ZCCHC17: variants seen among roughly 807,000 people sequenced by gnomAD.
The protein encoded by ZCCHC17 is zinc finger CCHC domain-containing protein 17.
Under a neutral mutation model 30.6 loss-of-function variants are expected in ZCCHC17, and 18 were observed. The observed-to-expected ratio is 0.59, with a 90% CI of 0.41 to 0.87. The LOEUF (loss-of-function observed/expected upper bound fraction) is 0.87, where lower values mean the gene tolerates loss of function less well. Among genes scored for constraint, ZCCHC17 ranks in the 40% least tolerant of loss-of-function variants. The pLI, the probability that ZCCHC17 is intolerant of heterozygous loss-of-function variation, is 0.00. For missense variants in ZCCHC17, 263 were observed against 284.2 expected (o/e 0.93, Z 0.54); for synonymous variants, 88 against 92.4 (o/e 0.95, Z 0.27).
intron 2 of ZCCHC17, among the ~76,000 whole-genome samples, chr1:31,313,076 T>TC (rs1176997960): frequency 1.3e-5 from 2 of 148,882 alleles, no homozygotes; most frequent in Non-Finnish European, 3.0e-5. Context: ...CTCTTTTTTT[T>TC]TTTTTTTTTT....
At chr1:31,345,545 T>TATATATATATATATATA (rs1557452297) in intron 5 of ZCCHC17, among the ~76,000 whole-genome samples, 1 of 1,798 alleles carries the variant, frequency 5.6e-4, no homozygotes, top group East Asian at 0.019. Flanking sequence ...ATGACAGACA[T>TATATATATATATATATA]TTATATATAT....
At chr1:31,363,566 C>T (rs901219343) in intron 7 of ZCCHC17, among the ~76,000 whole-genome samples, 2 of 152,068 alleles carry the variant, frequency 1.3e-5, no homozygotes, top group African/African-American at 4.8e-5. Context: ...CCAAGGTGGG[C>T]AGATTGCTTG....
At position 31,364,426 on chromosome 1, in the gene ZCCHC17, T is replaced by C. The variant is rs768172556; in HGVS notation, c.*233T>C. ...TCCTGGTCCCTTTGCAAGTGAACCC[T>C]GCAGCTCACCCATTCATTCACCCAA... On this transcript the variant is annotated 3_prime_UTR_variant, in exon 8 of 8. Transcript: ENST00000344147. The C allele has an allele frequency of 2.6e-5, 16 of 610,682 alleles. No homozygotes were observed. The highest frequency in any genetic ancestry group is 4.2e-5 in the Non-Finnish European group (16 of 377,134). The allele number at this position is 610,682 out of a possible 1,614,324, so 37.8% of individuals were successfully genotyped here. A position where few individuals can be genotyped will look rare whatever the true frequency, so the allele number is the denominator to read the frequency against.
At position 31,348,886 on chromosome 1, in the gene ZCCHC17, C is replaced by T; in HGVS notation, c.476C>T (p.Pro159Leu). 3.1e-6 allele frequency: 5 copies of T among 1,613,364 alleles called. No homozygotes were observed. Among genetic ancestry groups the T allele is most frequent in the Non-Finnish European group, 4.2e-6 (5 of 1,179,930 alleles). ...QPGGTKYSLIPDEEEEKEEAK... is the reference protein window; with the variant it reads ...QPGGTKYSLILDEEEEKEEAK... Reference sequence around the variant, plus strand: ...GGTGGGACTAAATACTCTCTGATACCTGATGAGGAAGAGGAAAAGGAAGAG... The same window carrying T: ...GGTGGGACTAAATACTCTCTGATACTTGATGAGGAAGAGGAAAAGGAAGAG... The change falls in exon 7 of 8, where the codon CCT becomes CTT. Residue 159 changes from proline (P) to leucine (L), a missense_variant. Pro to Leu is a moderately conservative substitution (Grantham distance 98, BLOSUM62 -3). Coordinates refer to ENST00000344147, the MANE Select transcript of ZCCHC17 (RefSeq NM_016505.4).
At chr1:31,320,746 A>ATATT (rs1646841270) in intron 3 of ZCCHC17, among the ~76,000 whole-genome samples, 1 of 152,164 alleles carries the variant, frequency 6.6e-6, no homozygotes, top group African/African-American at 2.4e-5. Context: ...GTTGCTATAA[A>ATATT]TATTTGTGTA....
intron 1 of ZCCHC17, among the ~76,000 whole-genome samples, chr1:31,308,973 TC>T (rs1646533222): frequency 6.6e-6 from 1 of 152,198 alleles, no homozygotes; most frequent in Non-Finnish European, 1.5e-5. Flanking sequence ...AAAAACCACT[TC>T]TACATATAAA....
chr1:31,301,263 A>T (rs1226231892), intron 1 of ZCCHC17, among the ~76,000 whole-genome samples: 2 of 152,206 alleles, frequency 1.3e-5, no homozygotes, highest in Non-Finnish European at 2.9e-5. Context: ...GGATATGATG[A>T]TGTGCAAGAC....
intron 3 of ZCCHC17, among the ~76,000 whole-genome samples, chr1:31,327,297 C>G (rs1638393588): frequency 6.6e-6 from 1 of 152,212 alleles, no homozygotes; most frequent in Non-Finnish European, 1.5e-5. Flanking sequence ...CAGATGCCAG[C>G]TGCAAGTCCT....
intron 3 of ZCCHC17, among the ~76,000 whole-genome samples, chr1:31,331,614 ATT>A (rs909092524): frequency 4.8e-5 from 7 of 145,300 alleles, no homozygotes; most frequent in African/African-American, 1.5e-4. Context: ...GTAGAGATGG[ATT>A]TTTTTTTTTT....
chr1:31,304,332 G>A lies in ZCCHC17; in HGVS notation c.-55-5712G>A, dbSNP rs187909131. 1.5e-3 allele frequency among the ~76,000 whole-genome samples: 231 copies of A among 151,762 alleles called. 5 individuals are homozygous for A. In the East Asian group the frequency reaches 0.032, roughly 21 times the overall value. On this transcript the variant is annotated intron_variant, in intron 1 of 7. Coordinates refer to ENST00000344147, the MANE Select transcript of ZCCHC17 (RefSeq NM_016505.4). ...TGCCCAGGGTGGAGTTGCCCAGGGT[G>A]GAGTGCAGTGGCATGATCTCGGCTC...
At chr1:31,349,041 C>T (rs1449552547) in intron 7 of ZCCHC17, 67 bp downstream of exon 7, 7 of 1,508,482 alleles carry the variant, frequency 4.6e-6, no homozygotes, top group Non-Finnish European at 6.2e-6. Flanking sequence ...TCTGAAAAGC[C>T]TCATGCAGCA....
At chr1:31,354,515 G>A (rs1002618338) in intron 7 of ZCCHC17, among the ~76,000 whole-genome samples, 7 of 152,008 alleles carry the variant, frequency 4.6e-5, no homozygotes, top group Non-Finnish European at 1.0e-4. Context: ...GCCAGATCTA[G>A]ATTTTTAACT....
intron 7 of ZCCHC17, among the ~76,000 whole-genome samples, chr1:31,350,503 G>A (rs1180694311): frequency 6.6e-6 from 1 of 152,058 alleles, no homozygotes; most frequent in Admixed American, 6.6e-5. Context: ...TAACTAGGAT[G>A]CCATGGGTAC....
intron 2 of ZCCHC17, 105 bp from the exon 3 acceptor site, chr1:31,319,004 C>T (rs891478671): frequency 3.8e-5 from 50 of 1,330,644 alleles, no homozygotes; most frequent in Non-Finnish European, 4.9e-5. Context: ...TTATAGCATA[C>T]AGAGGCAGTC....
intron 1 of ZCCHC17, among the ~76,000 whole-genome samples, chr1:31,304,921 C>CT (rs1207406279): frequency 6.6e-6 from 1 of 151,434 alleles, no homozygotes; most frequent in Non-Finnish European, 1.5e-5. Context: ...TAGCAGAACT[C>CT]TTTTTTTTTC....
chr1:31,322,571 T>C (rs747909110), intron 3 of ZCCHC17, among the ~76,000 whole-genome samples: 1 of 152,142 alleles, frequency 6.6e-6, no homozygotes, highest in Non-Finnish European at 1.5e-5. Context: ...GGCACATGGA[T>C]GTGTTCACCA....
chr1:31,306,731 G>A (rs547366177), intron 1 of ZCCHC17, among the ~76,000 whole-genome samples: 115 of 152,214 alleles, frequency 7.6e-4, no homozygotes, highest in African/African-American at 2.7e-3. Flanking sequence ...GCATTGGCAT[G>A]ATCGTACCTC....
At chr1:31,311,868 G>A (rs1646612750) in intron 2 of ZCCHC17, among the ~76,000 whole-genome samples, 1 of 152,200 alleles carries the variant, frequency 6.6e-6, no homozygotes, top group Non-Finnish European at 1.5e-5. Context: ...TTAATCACTT[G>A]GGAAGTGGTT....
chr1:31,324,895 G>A (rs1319919353), intron 3 of ZCCHC17, among the ~76,000 whole-genome samples: 7 of 152,176 alleles, frequency 4.6e-5, no homozygotes, highest in Admixed American at 4.6e-4. Flanking sequence ...GCCAGGGATG[G>A]CCTAAAGCAT....
Sources: gnomAD v4.1 joint callset for allele counts (sites outside exome capture counted in the v4.1 genomes callset) on GRCh38, gnomAD v4.1.1 for gene constraint, MANE v1.5 for transcripts, NCBI Gene and HGNC (gene_info 2026-07-23, HGNC 2026-07-21) for gene names.